The following FRRS1L variants were observed in gnomAD, a reference collection of about 807,000 sequenced individuals.
The protein encoded by FRRS1L is DOMON domain-containing protein FRRS1L.
A neutral mutation model predicts 28.6 loss-of-function variants in FRRS1L; 22 were observed. That is an observed-to-expected ratio of 0.77 (90% CI 0.55 to 1.10). FRRS1L has a LOEUF of 1.10. Among genes scored for constraint, FRRS1L ranks in the 50% least tolerant of loss-of-function variants. FRRS1L has a pLI of 0.00. For missense variants in FRRS1L, 380 were observed against 386.9 expected (o/e 0.98, Z 0.15); for synonymous variants, 158 against 151.4 (o/e 1.04, Z -0.32).
At chr9:109,140,988 A>G (rs1162244584) in intron 4 of FRRS1L, 7 of 255,398 alleles carry the variant, frequency 2.7e-5, no homozygotes, top group Admixed American at 4.8e-5. Context: ...CAGGACAATA[A>G]TACCTATACC....
At chr9:109,140,499 A>T (rs1441828068) in intron 4 of FRRS1L, 1 of 152,166 alleles carries the variant, frequency 6.6e-6, no homozygotes, top group East Asian at 1.9e-4. Flanking sequence ...GAGAGAGGGG[A>T]AGACCTACAG....
intron 3 of FRRS1L, among the ~76,000 whole-genome samples, chr9:109,144,199 G>T (rs914323761): frequency 5.9e-5 from 9 of 152,016 alleles, no homozygotes; most frequent in Non-Finnish European, 1.2e-4. Context: ...TCTTACCAGT[G>T]GTACCCATTG....
chr9:109,162,011 A>G (rs1831486034), intron 1 of FRRS1L, among the ~76,000 whole-genome samples: 1 of 152,114 alleles, frequency 6.6e-6, no homozygotes, highest in Non-Finnish European at 1.5e-5. Flanking sequence ...TCTCAAGTTC[A>G]CTCACAAAAA....
chr9:109,161,867 T>C (rs533093531), intron 1 of FRRS1L, among the ~76,000 whole-genome samples: 1 of 152,220 alleles, frequency 6.6e-6, no homozygotes, highest in African/African-American at 2.4e-5. Flanking sequence ...GGTCGTATTA[T>C]GAAGTAAAAG....
intron 1 of FRRS1L, among the ~76,000 whole-genome samples, chr9:109,159,418 C>T (rs574598443): frequency 6.6e-6 from 1 of 152,272 alleles, no homozygotes; most frequent in African/African-American, 2.4e-5. Flanking sequence ...CACCTGTAAT[C>T]CCAGCACTCT....
intron 1 of FRRS1L, among the ~76,000 whole-genome samples, chr9:109,161,658 C>T (rs866397242): frequency 3.3e-5 from 5 of 152,170 alleles, no homozygotes; most frequent in African/African-American, 1.2e-4. Flanking sequence ...CCACACTCTA[C>T]TGGGTGGTTA....
chr9:109,152,756 A>T (rs111821156), intron 1 of FRRS1L, among the ~76,000 whole-genome samples: 7,928 of 135,742 alleles, frequency 0.058, 346 homozygotes, highest in Admixed American at 0.15. Flanking sequence ...GTGAGCCAAG[A>T]TCGCACCACT....
intron 3 of FRRS1L, among the ~76,000 whole-genome samples, chr9:109,144,427 A>G (rs112997440): frequency 0.035 from 5,345 of 152,026 alleles, 343 homozygotes; most frequent in African/African-American, 0.12. Context: ...GTGGAGTGCA[A>G]TGGCGCCATC....
Position 109,147,097 on chromosome 9 carries a change from T to C in FRRS1L, c.416A>G (p.Asp139Gly), listed in dbSNP as rs1261718604. The change falls in exon 3 of 5, where the codon GAC becomes GGC. Residue 139 changes from aspartate (D) to glycine (G), a missense_variant. Physicochemically the swap from Asp to Gly is moderately conservative, Grantham distance 94 (BLOSUM62 -1). Transcript: ENST00000561981. Reference sequence around the variant, plus strand: ...TCCAACTGCTACCCAACCATCTGTGTCTGCACTCAGCTCAAATTCTACATC... The same window carrying C: ...TCCAACTGCTACCCAACCATCTGTGCCTGCACTCAGCTCAAATTCTACATC... ...GADVEFELSA[D>G]TDGWVAVGFS... 6.2e-7 allele frequency: 1 copy of C among 1,613,920 alleles called. No individual in the cohort carries two copies. The highest frequency in any genetic ancestry group is 1.7e-5 in the Admixed American group (1 of 60,022).
chr9:109,141,219 C>T (rs1831181373), intron 4 of FRRS1L, 124 bp downstream of exon 4: 39 of 1,076,236 alleles, frequency 3.6e-5, no homozygotes, highest in Non-Finnish European at 4.8e-5. Context: ...GTCGCATCTC[C>T]TTTTCCTTTA....
At chr9:109,153,094 C>G (rs1477250269) in intron 1 of FRRS1L, among the ~76,000 whole-genome samples, 1 of 152,022 alleles carries the variant, frequency 6.6e-6, no homozygotes, top group Non-Finnish European at 1.5e-5. Context: ...GGCCTTTGTC[C>G]CTGGTTTCTG....
intron 1 of FRRS1L, among the ~76,000 whole-genome samples, chr9:109,158,503 C>T (rs867921201): frequency 3.3e-5 from 5 of 152,180 alleles, no homozygotes; most frequent in Admixed American, 2.0e-4. Context: ...ATTCCCCCTC[C>T]TCTCAGCCCC....
rs1049385853 is a variant in FRRS1L at position 109,133,407 on chromosome 9, A to T, written c.*4048T>A. The T allele has an allele frequency of 1.3e-5, 2 of 152,248 alleles. No homozygotes were observed. The highest frequency in any genetic ancestry group is 2.9e-5 in the Non-Finnish European group (2 of 68,048). The allele number at this position is 152,248 out of a possible 1,614,324, so 9.4% of individuals were successfully genotyped here. ...AAATATAACTATAAAAAGTCCTCCA[A>T]TTAATTGTAAATTACTAAATGGGGG... On this transcript the variant is annotated 3_prime_UTR_variant, in exon 5 of 5. Coordinates refer to ENST00000561981, the MANE Select transcript of FRRS1L (RefSeq NM_014334.4).
Position 109,136,841 on chromosome 9 carries a change from G to A in FRRS1L, c.*614C>T, listed in dbSNP as rs1831118555. On this transcript the variant is annotated 3_prime_UTR_variant, in exon 5 of 5. Transcript: ENST00000561981. ...CTCGGCCAAAATTTCAAATAAATAT[G>A]AACTATTTTCATATCATTGTATTTT... 6.6e-6 allele frequency: 1 copy of A among 152,122 alleles called. No homozygotes were observed. The highest frequency in any genetic ancestry group is 2.1e-4 in the South Asian group (1 of 4,824). The allele number at this position is 152,122 out of a possible 1,614,324, so 9.4% of individuals were successfully genotyped here.
At chr9:109,158,793 T>G (rs145450712) in intron 1 of FRRS1L, among the ~76,000 whole-genome samples, 94 of 152,388 alleles carry the variant, frequency 6.2e-4, no homozygotes, top group African/African-American at 2.1e-3. Flanking sequence ...GCTGCTGCTA[T>G]GGACAAGTTT....
At chr9:109,153,230 T>C (rs1437275915) in intron 1 of FRRS1L, among the ~76,000 whole-genome samples, 1 of 152,174 alleles carries the variant, frequency 6.6e-6, no homozygotes, top group Non-Finnish European at 1.5e-5. Context: ...GGCTGGTCAC[T>C]GGAAAAACCA....
Position 109,133,658 on chromosome 9 carries a change from T to C in FRRS1L, c.*3797A>G, listed in dbSNP as rs760574727. On this transcript the variant is annotated 3_prime_UTR_variant, in exon 5 of 5. Coordinates refer to ENST00000561981, the MANE Select transcript of FRRS1L (RefSeq NM_014334.4). ...AGCCTCAGTTTTTTCATCTGTAAAA[T>C]TGGATAAATAATAGAATCTACTTCC... The C allele has an allele frequency of 1.7e-4, 26 of 152,204 alleles. No homozygotes were observed. Among genetic ancestry groups the C allele is most frequent in the Non-Finnish European group, 3.2e-4 (22 of 68,034 alleles). The allele number at this position is 152,204 out of a possible 1,614,324, so 9.4% of individuals were successfully genotyped here.
chr9:109,137,516 G>A lies in FRRS1L; in HGVS notation c.821C>T (p.Ser274Phe). Residue 274 changes from serine (S) to phenylalanine (F), a missense_variant, in exon 5 of 5, where the codon TCT (serine) becomes TTT (phenylalanine). Physicochemically the swap from Ser to Phe is radical, Grantham distance 155. Coordinates refer to ENST00000561981, the MANE Select transcript of FRRS1L (RefSeq NM_014334.4). ...AACAATCAGAAGCAAACAAAATGGA[G>A]ATGAGAAGGTTTGATAGGCAGCTGA... ...MPSAAYQTFS[S>F]PFCLLLIVAL... 13 of 1,613,466 alleles carry A rather than the reference G, an allele frequency of 8.1e-6. No individual in the cohort carries two copies. Among genetic ancestry groups the A allele is most frequent in the Non-Finnish European group, 1.1e-5 (13 of 1,179,554 alleles).
rs938183589 is a variant in FRRS1L, at chr9:109,132,646, G to A, written c.*4809C>T. 2.0e-5 allele frequency: 3 copies of A among 152,050 alleles called. No individual in the cohort carries two copies. Among genetic ancestry groups the A allele is most frequent in the African/African-American group, 7.2e-5 (3 of 41,404 alleles). The allele number at this position is 152,050 out of a possible 1,614,324, so 9.4% of individuals were successfully genotyped here. On this transcript the variant is annotated 3_prime_UTR_variant, in exon 5 of 5. Coordinates refer to ENST00000561981, the MANE Select transcript of FRRS1L (RefSeq NM_014334.4). The stretch of plus-strand genomic sequence containing the variant: ...TGTGTCCCTATCTAAGAACAAGGGT[G>A]GGAAAGCCACAGTCCATAAGCAAAC...
Sources: gnomAD v4.1 joint callset for allele counts (sites outside exome capture counted in the v4.1 genomes callset) on GRCh38, gnomAD v4.1.1 for gene constraint, MANE v1.5 for transcripts, NCBI Gene and HGNC (gene_info 2026-07-23, HGNC 2026-07-21) for gene names.